PPARD: variants seen among roughly 807,000 people sequenced by gnomAD.
PPARD encodes the protein peroxisome proliferator activated receptor delta, also known as peroxisome proliferator-activated receptor delta.
Under a neutral mutation model 39.5 loss-of-function variants are expected in PPARD, and 6 were observed. The observed-to-expected ratio is 0.15, with a 90% CI of 0.08 to 0.30. The LOEUF (loss-of-function observed/expected upper bound fraction) is 0.30, where lower values mean the gene tolerates loss of function less well. Ranked by LOEUF, PPARD falls within the 10% of genes least tolerant of loss-of-function variation. The probability of loss-of-function intolerance (pLI) is 1.00; values close to 1 mark genes in which losing one functional copy is unlikely to be tolerated. For missense variants in PPARD, 397 were observed against 596.8 expected, an observed-to-expected ratio of 0.67 and a Z score of 3.49; for synonymous variants, 210 against 231.3, an observed-to-expected ratio of 0.91 and a Z score of 0.83.
chr6:35,389,158 C>G (rs988577534), intron 2 of PPARD, among the ~76,000 whole-genome samples: 2 of 152,276 alleles, frequency 1.3e-5, no homozygotes, highest in African/African-American at 2.4e-5. Context: ...TCCAGCTTGG[C>G]CTGGACAACA....
At chr6:35,360,540 C>T (rs11967065) in intron 2 of PPARD, among the ~76,000 whole-genome samples, 1 of 152,184 alleles carries the variant, frequency 6.6e-6, no homozygotes, top group East Asian at 1.9e-4. Flanking sequence ...GAATTTGAGC[C>T]CTGTTCTTCT....
At chr6:35,402,498 G>A (rs1372439386) in intron 2 of PPARD, among the ~76,000 whole-genome samples, 1 of 152,176 alleles carries the variant, frequency 6.6e-6, no homozygotes, top group East Asian at 1.9e-4. Context: ...GTACCCTCCT[G>A]TCTCTGGTCT....
Position 35,377,506 on chromosome 6 carries a change from A to G in PPARD, c.-102+30356A>G, listed in dbSNP as rs9658091. Among the ~76,000 whole-genome samples, 14 of 152,302 alleles carry G rather than the reference A, an allele frequency of 9.2e-5. No homozygotes were observed. In the East Asian group the frequency reaches 2.5e-3, roughly 27 times the overall value. On this transcript the variant is annotated intron_variant, in intron 2 of 7. Transcript: ENST00000360694. The stretch of plus-strand genomic sequence containing the variant: ...CAGCAAATTGAACTATTTGCATACC[A>G]TGTACTGTAATGTTTAAAAGCACAG...
chr6:35,426,194 C>G lies in PPARD; in HGVS notation c.*115C>G. 7.1e-7 allele frequency: 1 copy of G among 1,413,716 alleles called. No individual in the cohort carries two copies. The highest frequency in any genetic ancestry group is 9.5e-7 in the Non-Finnish European group (1 of 1,056,736). The allele number at this position is 1,413,716 out of a possible 1,614,324, so 87.6% of individuals were successfully genotyped here. The stretch of plus-strand genomic sequence containing the variant: ...CACCCGGCCTGGAGCAGCAGAGTCC[C>G]ACGATCGCCCTCAGACACATGACAC... On this transcript the variant is annotated 3_prime_UTR_variant, in exon 8 of 8. Coordinates refer to ENST00000360694, the MANE Select transcript of PPARD (RefSeq NM_006238.5).
At chr6:35,372,900 AT>A (rs1762582344) in intron 2 of PPARD, among the ~76,000 whole-genome samples, 1 of 152,206 alleles carries the variant, frequency 6.6e-6, no homozygotes, top group African/African-American at 2.4e-5. Context: ...CTGTGCTGCT[AT>A]AACAAAATTC....
At chr6:35,360,333 A>C (rs1469697396) in intron 2 of PPARD, among the ~76,000 whole-genome samples, 1 of 152,210 alleles carries the variant, frequency 6.6e-6, no homozygotes, top group Non-Finnish European at 1.5e-5. Flanking sequence ...AGATGTGCAC[A>C]TAGGGAGAGA....
intron 2 of PPARD, among the ~76,000 whole-genome samples, chr6:35,399,909 C>T (rs1764590012): frequency 6.6e-6 from 1 of 152,128 alleles, no homozygotes; most frequent in Non-Finnish European, 1.5e-5. Context: ...AACCATTCCT[C>T]TATTATTGGG....
In PPARD at chr6:35,371,565, C is replaced by T. The variant is rs189498969; in HGVS notation, c.-102+24415C>T. On this transcript the variant is annotated intron_variant, in intron 2 of 7. Transcript: ENST00000360694. ...ATAATCCGTCATTCTCTCAGTTTCC[C>T]GGAGCCTTACTGACAGCTTTAAACC... Among the ~76,000 whole-genome samples the T allele has an allele frequency of 1.9e-4, 29 of 151,602 alleles. 1 individual carries two copies. The East Asian group carries it at 4.0e-3, about 21-fold the overall frequency.
At chr6:35,356,553 G>T (rs1254936457) in intron 2 of PPARD, among the ~76,000 whole-genome samples, 2 of 152,106 alleles carry the variant, frequency 1.3e-5, no homozygotes, top group East Asian at 3.9e-4. Flanking sequence ...TGTTCCTCTG[G>T]TGTAGGATTT....
At chr6:35,419,066 A>C (rs1486435980) in intron 3 of PPARD, among the ~76,000 whole-genome samples, 1 of 152,076 alleles carries the variant, frequency 6.6e-6, no homozygotes, top group African/African-American at 2.4e-5. Flanking sequence ...GGCCTGGAAA[A>C]CATTAGCCTG....
intron 2 of PPARD, among the ~76,000 whole-genome samples, chr6:35,393,464 C>A (rs1764134424): frequency 6.6e-6 from 1 of 152,154 alleles, no homozygotes. Flanking sequence ...AATGTATTCC[C>A]CAAGTGTCAT....
chr6:35,417,324 G>C (rs1408604045), intron 3 of PPARD, among the ~76,000 whole-genome samples: 1 of 151,622 alleles, frequency 6.6e-6, no homozygotes, highest in Non-Finnish European at 1.5e-5. Context: ...TTTAAGTAGA[G>C]ACAGTCTTGC....
chr6:35,378,935 G>A (rs747391933), intron 2 of PPARD, among the ~76,000 whole-genome samples: 6 of 152,024 alleles, frequency 3.9e-5, no homozygotes, highest in Non-Finnish European at 8.8e-5. Context: ...GAAGGCAATC[G>A]AACCTTTAAA....
chr6:35,426,359 C>G lies in PPARD; in HGVS notation c.*280C>G, dbSNP rs1347545819. On this transcript the variant is annotated 3_prime_UTR_variant, in exon 8 of 8. Transcript: ENST00000360694. ...TGTTTCTTCCTTTCTGTAGGTTTCT[C>G]TCTTCCCTTCTCCCTTGCCCTCCCT... is the stretch of plus-strand genomic sequence containing the variant. 1 of 499,852 alleles carries G rather than the reference C, an allele frequency of 2.0e-6. No homozygotes were observed. 31.0% of individuals were successfully genotyped at this position (499,852 alleles called of 1,614,324 possible). A position where few individuals can be genotyped will look rare whatever the true frequency, so the allele number is the denominator to read the frequency against.
chr6:35,421,787 G>T, intron 4 of PPARD, 33 bp from the exon 5 acceptor site: 1 of 1,575,232 alleles, frequency 6.3e-7, no homozygotes, highest in Non-Finnish European at 8.6e-7. Context: ...CCACCTCCTG[G>T]TGGCCTTTCC....
At chr6:35,406,314 C>T (rs868376211) in intron 2 of PPARD, among the ~76,000 whole-genome samples, 1 of 152,168 alleles carries the variant, frequency 6.6e-6, no homozygotes, top group Non-Finnish European at 1.5e-5. Context: ...TGGCAGCTAC[C>T]TGAGAAAATC....
intron 2 of PPARD, among the ~76,000 whole-genome samples, chr6:35,400,260 TCTC>T (rs1021823192): frequency 2.0e-5 from 3 of 152,122 alleles, no homozygotes; most frequent in African/African-American, 4.8e-5. Context: ...TGGCTGCCCT[TCTC>T]CTTACCACCA....
At chr6:35,355,394 A>T (rs1582283258) in intron 2 of PPARD, among the ~76,000 whole-genome samples, 1 of 151,786 alleles carries the variant, frequency 6.6e-6, no homozygotes, top group East Asian at 1.9e-4. Context: ...TCTACAAAAA[A>T]TACAAAAATT....
At chr6:35,379,114 C>CT (rs1762987009) in intron 2 of PPARD, among the ~76,000 whole-genome samples, 1 of 73,658 alleles carries the variant, frequency 1.4e-5, no homozygotes, top group Non-Finnish European at 2.8e-5. Context: ...TTTTTTTTTT[C>CT]TTTTTTGAGA....
Sources: gnomAD v4.1 joint callset for allele counts (sites outside exome capture counted in the v4.1 genomes callset) on GRCh38, gnomAD v4.1.1 for gene constraint, MANE v1.5 for transcripts, NCBI Gene and HGNC (gene_info 2026-07-23, HGNC 2026-07-21) for gene names.